The following CYRIA variants were observed in gnomAD, a reference collection of about 807,000 sequenced individuals.
CYRIA encodes CYFIP related Rac1 interactor A, also known as CYFIP-related Rac1 interactor A.
A neutral mutation model predicts 43.9 loss-of-function variants in CYRIA; 15 were observed. The observed-to-expected ratio is 0.34, with a 90% CI of 0.23 to 0.53. CYRIA has a LOEUF of 0.53. Among genes scored for constraint, CYRIA ranks in the 20% least tolerant of loss-of-function variants. The pLI, the probability that CYRIA is intolerant of heterozygous loss-of-function variation, is 0.94. For synonymous variants in CYRIA, 117 were observed against 136.0 expected, an observed-to-expected ratio of 0.86 and a Z score of 0.97; for missense variants, 236 against 394.2, an observed-to-expected ratio of 0.60 and a Z score of 3.40.
chr2:16,605,481 C>A (rs1668366118), intron 2 of CYRIA, among the ~76,000 whole-genome samples: 1 of 152,226 alleles, frequency 6.6e-6, no homozygotes, highest in Non-Finnish European at 1.5e-5. Flanking sequence ...GCTTGAGACA[C>A]CTGCTTCTTA....
chr2:16,602,665 C>G (rs1009257878), intron 2 of CYRIA, among the ~76,000 whole-genome samples: 13 of 152,060 alleles, frequency 8.5e-5, no homozygotes, highest in African/African-American at 2.7e-4. Context: ...GAACTGGGGT[C>G]ATCTTTTTAA....
intron 3 of CYRIA, among the ~76,000 whole-genome samples, chr2:16,584,880 G>A (rs977682213): frequency 1.3e-5 from 2 of 152,004 alleles, no homozygotes; most frequent in African/African-American, 4.8e-5. Context: ...TCCTTCCATG[G>A]CCTTCTGTTT....
Position 16,555,045 on chromosome 2 carries a change from A to G in CYRIA, c.908+24T>C, listed in dbSNP as rs774491157. On this transcript the variant is annotated intron_variant, in intron 11 of 11. Coordinates refer to ENST00000381323, the MANE Select transcript of CYRIA (RefSeq NM_030797.4). Reference sequence around the variant, plus strand: ...CCTGAAAGGCTGGCTGTTCCCTGTGAGCTGACACAGGGTTGAAGCTCACCT... The same window carrying G: ...CCTGAAAGGCTGGCTGTTCCCTGTGGGCTGACACAGGGTTGAAGCTCACCT... 6.9e-6 allele frequency: 11 copies of G among 1,603,994 alleles called. No homozygotes were observed. The South Asian group carries it at 1.2e-4, about 18-fold the overall frequency.
Position 16,565,709 on chromosome 2 carries a change from C to G in CYRIA, c.129G>C (p.Gln43His). The G allele has an allele frequency of 1.9e-6, 3 of 1,595,530 alleles. No individual in the cohort carries two copies. Among genetic ancestry groups the G allele is most frequent in the Non-Finnish European group, 2.6e-6 (3 of 1,165,990 alleles). The part of the protein sequence containing the change: ...EIWNQISAVL[Q>H]DSESILADLQ... Reference sequence around the variant, plus strand: ...GGTCTGCAAGGATGCTCTCAGAATCCTGAAGGACGGCGCTGATCTGGTTCC... The same window carrying G: ...GGTCTGCAAGGATGCTCTCAGAATCGTGAAGGACGGCGCTGATCTGGTTCC... The change falls in exon 4 of 12, where the codon CAG becomes CAC. Residue 43 changes from glutamine (Q) to histidine (H), a missense_variant. Gln to His is a conservative substitution (Grantham distance 24, BLOSUM62 0). Coordinates refer to ENST00000381323, the MANE Select transcript of CYRIA (RefSeq NM_030797.4).
chr2:16,557,317 G>A (rs972479487), intron 10 of CYRIA, among the ~76,000 whole-genome samples: 1 of 152,000 alleles, frequency 6.6e-6, no homozygotes, highest in Non-Finnish European at 1.5e-5. Context: ...TCGGCAAAAC[G>A]AGTTTCTCCC....
At chr2:16,638,110 C>G (rs55762693) in intron 1 of CYRIA, among the ~76,000 whole-genome samples, 5,983 of 152,224 alleles carry the variant, frequency 0.039, 144 homozygotes, top group Middle Eastern at 0.11. Context: ...GTTACCGAAG[C>G]CTACCTGTTA....
chr2:16,557,879 G>T (rs192992523), intron 10 of CYRIA, among the ~76,000 whole-genome samples: 1 of 152,190 alleles, frequency 6.6e-6, no homozygotes, highest in Admixed American at 6.5e-5. Flanking sequence ...CTCAGGTAAT[G>T]AACTCAACCC....
intron 3 of CYRIA, among the ~76,000 whole-genome samples, chr2:16,579,881 A>G (rs1479815399): frequency 6.6e-6 from 1 of 152,200 alleles, no homozygotes; most frequent in African/African-American, 2.4e-5. Context: ...AAGCTCAAAT[A>G]CAAACATTAA....
At position 16,552,902 on chromosome 2, in the gene CYRIA, G is replaced by A; in HGVS notation, c.*34C>T. On this transcript the variant is annotated 3_prime_UTR_variant, in exon 12 of 12. Coordinates refer to ENST00000381323, the MANE Select transcript of CYRIA (RefSeq NM_030797.4). ...TATGTAAACATATACATCTTCTGAGGTCAGCACATAGATCCTCTTCTTTGA... is the reference window on the plus strand; with the variant it reads ...TATGTAAACATATACATCTTCTGAGATCAGCACATAGATCCTCTTCTTTGA... The A allele has an allele frequency of 2.2e-6, 3 of 1,334,960 alleles. No homozygotes were observed. The highest frequency in any genetic ancestry group is 1.8e-4 in the Middle Eastern group (1 of 5,562). The allele number at this position is 1,334,960 out of a possible 1,614,324, so 82.7% of individuals were successfully genotyped here. A position where few individuals can be genotyped will look rare whatever the true frequency, so the allele number is the denominator to read the frequency against.
chr2:16,644,870 C>T (rs180806321), intron 1 of CYRIA, among the ~76,000 whole-genome samples: 116 of 152,308 alleles, frequency 7.6e-4, no homozygotes, highest in African/African-American at 2.8e-3. Flanking sequence ...CAACCCCCCA[C>T]ACACGGAGCC....
intron 3 of CYRIA, among the ~76,000 whole-genome samples, chr2:16,578,522 A>G (rs922119410): frequency 3.3e-5 from 5 of 152,186 alleles, no homozygotes; most frequent in Admixed American, 2.0e-4. Flanking sequence ...AAAAATGGAA[A>G]ATTTCAGAAA....
chr2:16,575,713 G>A (rs1042143605), intron 3 of CYRIA, among the ~76,000 whole-genome samples: 23 of 151,974 alleles, frequency 1.5e-4, no homozygotes, highest in Non-Finnish European at 3.1e-4. Flanking sequence ...AAAATTAGCC[G>A]GGCGTGATGG....
intron 1 of CYRIA, among the ~76,000 whole-genome samples, chr2:16,640,226 A>T (rs1669633310): frequency 6.6e-6 from 1 of 152,180 alleles, no homozygotes; most frequent in South Asian, 2.1e-4. Flanking sequence ...CAGCACTTTT[A>T]TCCTTTTATG....
At chr2:16,647,788 T>G (rs1372666618) in intron 1 of CYRIA, among the ~76,000 whole-genome samples, 4 of 152,292 alleles carry the variant, frequency 2.6e-5, no homozygotes, top group African/African-American at 7.2e-5. Flanking sequence ...ACCCCGCAGT[T>G]CAAACACTTC....
intron 11 of CYRIA, among the ~76,000 whole-genome samples, chr2:16,553,706 T>C (rs887160879): frequency 3.9e-5 from 6 of 152,142 alleles, no homozygotes; most frequent in Non-Finnish European, 8.8e-5. Flanking sequence ...ATTTGTGATT[T>C]CTGATTCAAA....
chr2:16,634,902 C>A (rs1030962206), intron 1 of CYRIA, among the ~76,000 whole-genome samples: 6 of 152,198 alleles, frequency 3.9e-5, no homozygotes, highest in Admixed American at 1.3e-4. Flanking sequence ...GTTTGGCTTT[C>A]GTTTATCCCA....
intron 10 of CYRIA, 54 bp downstream of exon 10, chr2:16,559,406 C>A: frequency 1.3e-6 from 2 of 1,584,822 alleles, no homozygotes; most frequent in South Asian, 1.2e-5. Flanking sequence ...AAAACAAGGT[C>A]TGGCAACATT....
intron 2 of CYRIA, among the ~76,000 whole-genome samples, chr2:16,601,361 G>A (rs762258350): frequency 1.1e-4 from 16 of 152,130 alleles, no homozygotes; most frequent in Non-Finnish European, 2.2e-4. Flanking sequence ...CACATTGGGT[G>A]ACCCCTCAAT....
At chr2:16,632,250 A>G (rs193288610) in intron 1 of CYRIA, among the ~76,000 whole-genome samples, 61 of 152,322 alleles carry the variant, frequency 4.0e-4, no homozygotes, top group African/African-American at 1.3e-3. Context: ...TGTTTCTATA[A>G]GAGCTTAACC....
Sources: gnomAD v4.1 joint callset for allele counts (sites outside exome capture counted in the v4.1 genomes callset) on GRCh38, gnomAD v4.1.1 for gene constraint, MANE v1.5 for transcripts, NCBI Gene and HGNC (gene_info 2026-07-23, HGNC 2026-07-21) for gene names.